The following RNGTT variants were observed in gnomAD, a reference collection of about 807,000 sequenced individuals.
The protein encoded by RNGTT is mRNA-capping enzyme.
A neutral mutation model predicts 79.3 loss-of-function variants in RNGTT; 33 were observed. The ratio of observed to expected loss-of-function variants is 0.42; its 90% CI spans 0.32 to 0.56. The LOEUF (loss-of-function observed/expected upper bound fraction) is 0.56. Ranked by LOEUF, RNGTT falls within the 20% of genes least tolerant of loss-of-function variation. The pLI is 0.17. For missense variants in RNGTT, 497 were observed against 739.1 expected (o/e 0.67, Z 3.80); for synonymous variants, 222 against 235.9 (o/e 0.94, Z 0.54).
chr6:88,784,892 G>C (rs1254295529), intron 12 of RNGTT, among the ~76,000 whole-genome samples: 2 of 151,898 alleles, frequency 1.3e-5, no homozygotes, highest in Non-Finnish European at 2.9e-5. Context: ...TAAAAAAGTG[G>C]AATGAAAATA....
chr6:88,955,781 G>A (rs892149848), intron 1 of RNGTT, among the ~76,000 whole-genome samples: 1 of 151,972 alleles, frequency 6.6e-6, no homozygotes, highest in South Asian at 2.1e-4. Flanking sequence ...AGTGGCTCAC[G>A]TCTGTAATCC....
chr6:88,892,163 A>C (rs1322241444), intron 6 of RNGTT, among the ~76,000 whole-genome samples: 2 of 152,050 alleles, frequency 1.3e-5, no homozygotes, highest in African/African-American at 4.8e-5. Flanking sequence ...TCATAACAGT[A>C]ATAATAATTT....
intron 5 of RNGTT, among the ~76,000 whole-genome samples, chr6:88,905,216 G>C (rs1038802158): frequency 5.3e-5 from 8 of 152,090 alleles, no homozygotes; most frequent in Non-Finnish European, 1.0e-4. Context: ...CCTAGATAGG[G>C]TCTGTGAAGA....
At chr6:88,667,682 T>C (rs1186041176) in intron 14 of RNGTT, among the ~76,000 whole-genome samples, 1 of 152,156 alleles carries the variant, frequency 6.6e-6, no homozygotes, top group Admixed American at 6.5e-5. Context: ...CCCTTACGGA[T>C]TGGCTCAGAC....
At chr6:88,801,511 C>T (rs1035792119) in intron 12 of RNGTT, 53 bp downstream of exon 12, 7 of 1,183,042 alleles carry the variant, frequency 5.9e-6, no homozygotes, top group Admixed American at 3.8e-5. Flanking sequence ...TATCTGTGTA[C>T]ACACACACAC....
chr6:88,670,292 T>C (rs913255406), intron 14 of RNGTT, among the ~76,000 whole-genome samples: 1 of 152,190 alleles, frequency 6.6e-6, no homozygotes, highest in Non-Finnish European at 1.5e-5. Context: ...ATAGGAGTAA[T>C]AACAGTATTA....
chr6:88,661,612 G>A (rs1285613076), intron 14 of RNGTT, among the ~76,000 whole-genome samples: 1 of 152,108 alleles, frequency 6.6e-6, no homozygotes, highest in Non-Finnish European at 1.5e-5. Flanking sequence ...AACCCTCCTA[G>A]ATTAAACCAG....
At chr6:88,716,068 C>T (rs900117238) in intron 13 of RNGTT, among the ~76,000 whole-genome samples, 8 of 151,744 alleles carry the variant, frequency 5.3e-5, no homozygotes, top group Non-Finnish European at 7.3e-5. Context: ...ACCTACTCAT[C>T]TGACAAAGGG....
intron 11 of RNGTT, among the ~76,000 whole-genome samples, chr6:88,809,221 A>T (rs957009128): frequency 6.6e-6 from 1 of 152,202 alleles, no homozygotes; most frequent in Admixed American, 6.5e-5. Flanking sequence ...CACACCTTAA[A>T]AAAAGCTTCA....
chr6:88,682,122 T>C (rs1334260057), intron 13 of RNGTT, among the ~76,000 whole-genome samples: 2 of 152,198 alleles, frequency 1.3e-5, no homozygotes, highest in Non-Finnish European at 2.9e-5. Context: ...CCAATATTGA[T>C]GATACATCAA....
At chr6:88,853,480 G>A (rs1394783788) in intron 9 of RNGTT, 149 bp downstream of exon 9, 1 of 549,248 alleles carries the variant, frequency 1.8e-6, no homozygotes, top group South Asian at 2.4e-5. Context: ...ACTCCAGCCT[G>A]GGCGACAGAG....
chr6:88,938,165 T>A (rs1194661575), intron 2 of RNGTT, among the ~76,000 whole-genome samples: 1 of 152,186 alleles, frequency 6.6e-6, no homozygotes, highest in African/African-American at 2.4e-5. Context: ...GGAGACTGTA[T>A]CTCCATTTAG....
chr6:88,799,488 C>T (rs1779712909), intron 12 of RNGTT, among the ~76,000 whole-genome samples: 1 of 152,008 alleles, frequency 6.6e-6, no homozygotes, highest in African/African-American at 2.4e-5. Flanking sequence ...CACCTGAGAT[C>T]AGGAGTTCAA....
chr6:88,717,142 A>G (rs1776547302), intron 13 of RNGTT, among the ~76,000 whole-genome samples: 1 of 152,170 alleles, frequency 6.6e-6, no homozygotes, highest in Non-Finnish European at 1.5e-5. Context: ...ACAACACCAG[A>G]CTCATTTAAT....
Position 88,612,619 on chromosome 6 carries a change from C to T in RNGTT, c.*100G>A, listed in dbSNP as rs751663082. 5.4e-6 allele frequency: 7 copies of T among 1,291,554 alleles called. No homozygotes were observed. The highest frequency in any genetic ancestry group is 2.3e-5 in the East Asian group (1 of 42,836). The allele number at this position is 1,291,554 out of a possible 1,614,324, so 80.0% of individuals were successfully genotyped here. ...AAAAAATTCAAATGTGTATCAACAT[C>T]AAGCCACAGTCGTTTTTCAATTTCT... On this transcript the variant is annotated 3_prime_UTR_variant, in exon 16 of 16. Coordinates refer to ENST00000369485, the MANE Select transcript of RNGTT (RefSeq NM_003800.5).
intron 13 of RNGTT, among the ~76,000 whole-genome samples, chr6:88,720,444 A>T (rs1286528230): frequency 2.6e-5 from 4 of 152,078 alleles, no homozygotes; most frequent in Non-Finnish European, 4.4e-5. Context: ...AATTTTTCAT[A>T]CAAGTTATAC....
chr6:88,957,630 A>C (rs891957973), intron 1 of RNGTT, among the ~76,000 whole-genome samples: 7 of 146,532 alleles, frequency 4.8e-5, no homozygotes, highest in African/African-American at 1.9e-4. Flanking sequence ...CAGCTGCATA[A>C]AAAAAATAAT....
At chr6:88,825,951 A>C (rs148477390) in intron 11 of RNGTT, among the ~76,000 whole-genome samples, 31 of 152,332 alleles carry the variant, frequency 2.0e-4, no homozygotes, top group African/African-American at 7.2e-4. Flanking sequence ...ATCTCTTTCT[A>C]ATCTATTCAA....
intron 14 of RNGTT, among the ~76,000 whole-genome samples, chr6:88,668,253 C>T (rs1195174888): frequency 6.6e-6 from 1 of 152,094 alleles, no homozygotes; most frequent in Admixed American, 6.5e-5. Flanking sequence ...GAAGGAATTC[C>T]GGCCTGGATC....
Sources: gnomAD v4.1 joint callset for allele counts (sites outside exome capture counted in the v4.1 genomes callset) on GRCh38, gnomAD v4.1.1 for gene constraint, MANE v1.5 for transcripts, NCBI Gene and HGNC (gene_info 2026-07-23, HGNC 2026-07-21) for gene names.